PRMT7: variants seen among roughly 807,000 people sequenced by gnomAD.
PRMT7 encodes the protein protein arginine methyltransferase 7, also known as protein arginine N-methyltransferase 7.
Under a neutral mutation model 85.4 loss-of-function variants are expected in PRMT7, and 75 were observed. The observed-to-expected ratio is 0.88, with a 90% confidence interval of 0.73 to 1.06. PRMT7 has a LOEUF of 1.06. PRMT7 is among the 50% of genes least tolerant of loss of function. The pLI, the probability that PRMT7 is intolerant of heterozygous loss-of-function variation, is 0.00. For synonymous variants in PRMT7, 397 were observed against 359.5 expected (o/e 1.10, Z -1.18); for missense variants, 868 against 915.2 (o/e 0.95, Z 0.67).
chr16:68,322,778 A>G (rs1465246275), intron 4 of PRMT7, among the ~76,000 whole-genome samples: 1 of 152,062 alleles, frequency 6.6e-6, no homozygotes, highest in East Asian at 1.9e-4. Flanking sequence ...CATGCCTGTA[A>G]TCCCAGCACT....
rs11545584 is a variant in PRMT7 at position 68,312,130 on chromosome 16, C to T, written c.-130C>T. 6.6e-6 allele frequency: 1 copy of T among 151,558 alleles called. No homozygotes were observed. The allele number at this position is 151,558 out of a possible 1,614,324, so 9.4% of individuals were successfully genotyped here. A position where few individuals can be genotyped will look rare whatever the true frequency, so the allele number is the denominator to read the frequency against. ...TCCTGGGCTCAAGCGATCCTCACCT[C>T]GGCCTACCGAGTAGCTGGGACTACA... On this transcript the variant is annotated 5_prime_UTR_variant, in exon 2 of 19. Transcript: ENST00000441236.
rs769102361 is a variant in PRMT7 at position 68,357,177 on chromosome 16, A to G, written c.2032A>G (p.Thr678Ala). 3.5e-5 allele frequency: 57 copies of G among 1,614,008 alleles called. No homozygotes were observed. The Middle Eastern group carries it at 4.9e-4, about 14-fold the overall frequency. ...CTATGCAGTGGAGTTTCACCCCGAC[A>G]CAGGCGACATCATCATGGAGTTCAG... ...VSYAVEFHPD[T>A]GDIIMEFRHA... is the part of the protein sequence containing the mutation. The change falls in exon 19 of 19, where the codon ACA becomes GCA. Residue 678 changes from threonine to alanine, a missense_variant. Coordinates refer to ENST00000441236, the MANE Select transcript of PRMT7 (RefSeq NM_019023.5).
intron 2 of PRMT7, among the ~76,000 whole-genome samples, 172 bp downstream of exon 2, chr16:68,312,348 G>A (rs965917937): frequency 4.0e-5 from 6 of 151,286 alleles, no homozygotes; most frequent in Non-Finnish European, 8.8e-5. Context: ...TCAGCCTCCC[G>A]AGTAGCTGGG....
chr16:68,321,391 A>G (rs1372332261), intron 3 of PRMT7, 35 bp from the exon 4 acceptor site: 2 of 1,554,908 alleles, frequency 1.3e-6, no homozygotes, highest in Non-Finnish European at 1.8e-6. Flanking sequence ...GTTGATGTGT[A>G]TCATGCAAAG....
At chr16:68,329,916 C>T (rs762681274) in intron 6 of PRMT7, among the ~76,000 whole-genome samples, 42 of 141,600 alleles carry the variant, frequency 3.0e-4, no homozygotes, top group Non-Finnish European at 4.8e-4. Flanking sequence ...TTTTTTGAGA[C>T]GGAATCTCAC....
intron 9 of PRMT7, among the ~76,000 whole-genome samples, 171 bp downstream of exon 9, chr16:68,340,139 G>A (rs1185032240): frequency 1.3e-5 from 2 of 152,190 alleles, no homozygotes; most frequent in Non-Finnish European, 2.9e-5. Context: ...TAGTAACGTA[G>A]CCTTCCCAGG....
chr16:68,341,072 C>T (rs1240696239), intron 9 of PRMT7, among the ~76,000 whole-genome samples: 1 of 152,226 alleles, frequency 6.6e-6, no homozygotes. Flanking sequence ...ATTCGTAAAA[C>T]TGACTGCATC....
intron 6 of PRMT7, among the ~76,000 whole-genome samples, chr16:68,336,823 G>C (rs909900304): frequency 6.6e-6 from 1 of 152,146 alleles, no homozygotes; most frequent in Non-Finnish European, 1.5e-5. Flanking sequence ...CACAATTTCG[G>C]CTCACTGCAA....
intron 8 of PRMT7, 43 bp from the exon 9 acceptor site, chr16:68,339,745 G>T: frequency 6.3e-7 from 1 of 1,595,932 alleles, no homozygotes; most frequent in South Asian, 1.1e-5. Context: ...AATGGAGTGT[G>T]TGAGGTTAAA....
chr16:68,321,471 A>G lies in PRMT7; in HGVS notation c.132+9A>G, dbSNP rs1256864616. On this transcript the variant is annotated intron_variant, in intron 4 of 18. Coordinates refer to ENST00000441236, the MANE Select transcript of PRMT7 (RefSeq NM_019023.5). Reference sequence around the variant, plus strand: ...TACATGACAAAGACAGAGTAAGTGTAAAAGGAAACTATTATCTTGATGTGG... The same window carrying G: ...TACATGACAAAGACAGAGTAAGTGTGAAAGGAAACTATTATCTTGATGTGG... 6.9e-6 allele frequency: 11 copies of G among 1,604,214 alleles called. No individual in the cohort carries two copies. The highest frequency in any genetic ancestry group is 9.4e-6 in the Non-Finnish European group (11 of 1,173,398).
chr16:68,353,796 A>G (rs748876823), intron 16 of PRMT7, among the ~76,000 whole-genome samples: 4 of 152,170 alleles, frequency 2.6e-5, no homozygotes, highest in South Asian at 2.1e-4. Flanking sequence ...TGTCATTGCA[A>G]CTGCCCCTGC....
chr16:68,353,613 T>A (rs199814533), intron 16 of PRMT7, 47 bp downstream of exon 16: 3 of 1,482,494 alleles, frequency 2.0e-6, no homozygotes, highest in Non-Finnish European at 1.8e-6. Flanking sequence ...TGCTCCTGTA[T>A]CGCAGGCCTC....
intron 3 of PRMT7, 145 bp downstream of exon 3, chr16:68,316,219 A>G: frequency 1.5e-6 from 1 of 681,800 alleles, no homozygotes; most frequent in East Asian, 2.7e-5. Context: ...AGGTCTGCTC[A>G]GCCAGGTAGG....
intron 9 of PRMT7, among the ~76,000 whole-genome samples, chr16:68,342,908 G>A (rs8059585): frequency 0.15 from 22,716 of 152,174 alleles, 1,892 homozygotes; most frequent in African/African-American, 0.22. Flanking sequence ...CATAAGAATA[G>A]CATTAAAATG....
intron 5 of PRMT7, among the ~76,000 whole-genome samples, chr16:68,327,881 T>A (rs2083308606): frequency 6.7e-6 from 1 of 148,958 alleles, no homozygotes. Flanking sequence ...GAAGCTGCAG[T>A]GATCATGCCA....
In PRMT7 at chr16:68,355,857, T is replaced by A. The variant is rs1166102907; in HGVS notation, c.1785T>A (p.Cys595Ter). ...AGCCGGTGCCCCTGCAGCCCCTGTG[T>A]GCCGAGGGCACCGTGGAGCTCAGAA... is the stretch of plus-strand genomic sequence containing the variant. Reference protein sequence around the residue: ...FQQPVPLQPLCAEGTVELRRP... With the variant: ...FQQPVPLQPL The change falls in exon 17 of 19, where the codon TGT (cysteine) becomes TGA (stop). Residue 595 changes from cysteine to a stop codon, truncating the protein, a stop_gained. Coordinates refer to ENST00000441236, the MANE Select transcript of PRMT7 (RefSeq NM_019023.5). LOFTEE classifies it high-confidence loss of function. The A allele has an allele frequency of 6.2e-7, 1 of 1,606,290 alleles. No individual in the cohort carries two copies. Among genetic ancestry groups the A allele is most frequent in the East Asian group, 2.2e-5 (1 of 44,736 alleles).
At chr16:68,319,711 A>AGTGTGTGTGTGTGT (rs369478826) in intron 3 of PRMT7, among the ~76,000 whole-genome samples, 27,142 of 141,274 alleles carry the variant, frequency 0.19, 2,724 homozygotes, top group Admixed American at 0.22. Context: ...TAAGAGTGAG[A>AGTGTGTGTGTGTGT]GTGTGTGTGT....
intron 2 of PRMT7, among the ~76,000 whole-genome samples, chr16:68,313,989 C>T (rs1033283321): frequency 6.6e-6 from 1 of 152,126 alleles, no homozygotes; most frequent in Non-Finnish European, 1.5e-5. Flanking sequence ...GGGCCTTGTT[C>T]GTAGGAAGTC....
At chr16:68,316,105 T>C in intron 3 of PRMT7, 31 bp downstream of exon 3, 2 of 1,583,664 alleles carry the variant, frequency 1.3e-6, no homozygotes, top group Non-Finnish European at 1.7e-6. Context: ...AGGCTGCAGC[T>C]GGGTGGGGCA....
Sources: gnomAD v4.1 joint callset for allele counts (sites outside exome capture counted in the v4.1 genomes callset) on GRCh38, gnomAD v4.1.1 for gene constraint, MANE v1.5 for transcripts, NCBI Gene and HGNC (gene_info 2026-07-23, HGNC 2026-07-21) for gene names.